Variants in IL1RAPL1 observed in about 807,000 individuals in gnomAD.
IL1RAPL1 encodes interleukin 1 receptor accessory protein like 1, also known as interleukin-1 receptor accessory protein-like 1.
In IL1RAPL1, 3 loss-of-function variants were observed where a neutral mutation model predicts 48.4. That is an observed-to-expected ratio of 0.06 (90% CI 0.03 to 0.16). The LOEUF (loss-of-function observed/expected upper bound fraction) is 0.16. Ranked by LOEUF, IL1RAPL1 falls within the 10% of genes least tolerant of loss-of-function variation. The pLI is 1.00. For missense variants in IL1RAPL1, 349 were observed against 530.6 expected (o/e 0.66, Z 3.36); for synonymous variants, 185 against 187.7 (o/e 0.99, Z 0.12).
chrX:28,768,778 T>TACAC (rs1555921722), intron 1 of IL1RAPL1, among the ~76,000 whole-genome samples: 1 of 76,442 alleles, frequency 1.3e-5, no homozygotes, highest in African/African-American at 4.7e-5. Context: ...TATATATATA[T>TACAC]ACACACACTA....
intron 2 of IL1RAPL1, among the ~76,000 whole-genome samples, chrX:29,237,801 G>A (rs1321022561): frequency 8.9e-6 from 1 of 112,426 alleles, no homozygotes; most frequent in Non-Finnish European, 1.9e-5. Context: ...AACTCTGAAG[G>A]AGGTAGGGCA....
intron 3 of IL1RAPL1, among the ~76,000 whole-genome samples, chrX:29,346,075 T>C (rs1407423157): frequency 1.8e-5 from 2 of 112,115 alleles, no homozygotes; most frequent in African/African-American, 6.5e-5. Context: ...GAGGAAAAGA[T>C]TCATTTCTTC....
rs186773422 is a variant in IL1RAPL1, at chrX:28,763,408, C to G, written c.-24-25912C>G. ...CTTTGTTGAAATTTTTATTGGTTTT[C>G]TCTTGTAGGATAATTTACTAGAATT... On this transcript the variant is annotated intron_variant, in intron 1 of 10. Transcript: ENST00000378993. 9.8e-5 allele frequency among the ~76,000 whole-genome samples: 11 copies of G among 111,858 alleles called. No individual in the cohort carries two copies. In the East Asian group the frequency reaches 3.1e-3, roughly 31 times the overall value.
intron 6 of IL1RAPL1, among the ~76,000 whole-genome samples, chrX:29,806,904 C>T (rs1930268340): frequency 9.1e-6 from 1 of 109,948 alleles, no homozygotes; most frequent in Non-Finnish European, 1.9e-5. Flanking sequence ...GTGTGTGGCA[C>T]CTCCTCCTGC....
At chrX:29,056,051 G>A (rs1456991280) in intron 2 of IL1RAPL1, among the ~76,000 whole-genome samples, 5 of 111,917 alleles carry the variant, frequency 4.5e-5, no homozygotes, top group Non-Finnish European at 7.5e-5. Context: ...ATTTGGCCTA[G>A]ACTTTTTCCA....
intron 2 of IL1RAPL1, among the ~76,000 whole-genome samples, chrX:28,838,061 C>A (rs763717460): frequency 9.0e-6 from 1 of 110,547 alleles, no homozygotes; most frequent in African/African-American, 3.3e-5. Flanking sequence ...TACTTTAGCA[C>A]GAGAAACAAA....
intron 1 of IL1RAPL1, among the ~76,000 whole-genome samples, chrX:28,783,575 C>G (rs2147262657): frequency 9.0e-6 from 1 of 111,510 alleles, no homozygotes. Flanking sequence ...TCTTGGTGAC[C>G]TAAAACTTGT....
intron 2 of IL1RAPL1, among the ~76,000 whole-genome samples, chrX:29,251,721 A>G (rs1415152013): frequency 2.7e-5 from 3 of 111,337 alleles, no homozygotes; most frequent in South Asian, 3.8e-4. Flanking sequence ...TTAAGGGGCA[A>G]CAAACAGTGA....
At chrX:29,486,937 A>G (rs928388385) in intron 5 of IL1RAPL1, among the ~76,000 whole-genome samples, 1 of 111,791 alleles carries the variant, frequency 8.9e-6, no homozygotes, top group Non-Finnish European at 1.9e-5. Context: ...ACTGAATCAC[A>G]ACAACAAATT....
intron 6 of IL1RAPL1, among the ~76,000 whole-genome samples, chrX:29,846,805 C>T (rs866138153): frequency 9.9e-4 from 97 of 97,789 alleles, no homozygotes; most frequent in East Asian, 6.0e-3. Context: ...TGTATATACA[C>T]ACACACACAC....
chrX:29,348,869 G>A (rs1933186100), intron 3 of IL1RAPL1, among the ~76,000 whole-genome samples: 1 of 111,364 alleles, frequency 9.0e-6, no homozygotes, highest in Non-Finnish European at 1.9e-5. Context: ...TTGTCCTATG[G>A]ACTCATCTTA....
chrX:29,514,610 G>C (rs1463851668), intron 5 of IL1RAPL1, among the ~76,000 whole-genome samples: 1 of 111,774 alleles, frequency 8.9e-6, no homozygotes, highest in African/African-American at 3.3e-5. Context: ...CACCACGCCC[G>C]GCTAATTTTT....
At chrX:29,274,389 G>A (rs1303669861) in intron 2 of IL1RAPL1, among the ~76,000 whole-genome samples, 4 of 112,130 alleles carry the variant, frequency 3.6e-5, no homozygotes, top group African/African-American at 1.3e-4. Flanking sequence ...CTTAAAAAAT[G>A]GTTCTAACCT....
chrX:29,640,819 G>T (rs1925141966), intron 5 of IL1RAPL1, among the ~76,000 whole-genome samples: 1 of 111,783 alleles, frequency 8.9e-6, no homozygotes, highest in Non-Finnish European at 1.9e-5. Flanking sequence ...CTTTCTCATG[G>T]CAGTAAAAGG....
chrX:29,217,473 T>G (rs1283682041), intron 2 of IL1RAPL1, among the ~76,000 whole-genome samples: 2 of 112,183 alleles, frequency 1.8e-5, no homozygotes, highest in East Asian at 5.6e-4. Context: ...TTGCTATTTA[T>G]TTAGTCATTG....
intron 5 of IL1RAPL1, among the ~76,000 whole-genome samples, chrX:29,447,724 A>G (rs947115063): frequency 1.2e-4 from 13 of 112,356 alleles, no homozygotes; most frequent in Admixed American, 5.7e-4. Context: ...TTGAGCTCCA[A>G]TAACACAAAT....
chrX:28,626,116 T>C (rs780542679), intron 1 of IL1RAPL1, among the ~76,000 whole-genome samples: 8 of 112,154 alleles, frequency 7.1e-5, no homozygotes, highest in Non-Finnish European at 1.5e-4. Context: ...TTTCTAAATC[T>C]CATTGAAACC....
intron 2 of IL1RAPL1, among the ~76,000 whole-genome samples, chrX:29,189,936 T>G (rs927655517): frequency 3.6e-5 from 4 of 111,576 alleles, no homozygotes; most frequent in African/African-American, 1.3e-4. Flanking sequence ...GTGAATGGCA[T>G]GTTGGGTCAT....
Position 29,955,845 on chromosome X carries a change from C to A in IL1RAPL1, c.*25C>A. 8.7e-7 allele frequency: 1 copy of A among 1,149,267 alleles called. No individual in the cohort carries two copies. The allele number at this position is 1,149,267 out of a possible 1,213,427, so 94.7% of individuals were successfully genotyped here. A position where few individuals can be genotyped will look rare whatever the true frequency, so the allele number is the denominator to read the frequency against. On this transcript the variant is annotated 3_prime_UTR_variant, in exon 11 of 11. Transcript: ENST00000378993. ...ACAGAAAAGCAAGGGACATCCCGTC[C>A]CTGGGAGGTTGAGTGGAATCTGCAG...
Sources: allele counts gnomAD v4.1 joint callset (sites outside exome capture counted in the v4.1 genomes callset), GRCh38; gene constraint gnomAD v4.1.1; transcripts MANE v1.5; gene names NCBI Gene and HGNC (gene_info 2026-07-23, HGNC 2026-07-21).